NAV3: variants seen among roughly 807,000 people sequenced by gnomAD.
NAV3 encodes the protein pore membrane and/or filament interacting like protein 1.
NAV3 carries 87 observed loss-of-function variants against 244.7 expected under a neutral mutation model. That is an observed-to-expected ratio of 0.36 (90% CI 0.30 to 0.42). The LOEUF (loss-of-function observed/expected upper bound fraction) is 0.42. Ranked by LOEUF, NAV3 falls within the 20% of genes least tolerant of loss-of-function variation. The pLI is 1.00. For synonymous variants in NAV3, 1,126 were observed against 1,042.2 expected (o/e 1.08, Z -1.55); for missense variants, 2,663 against 2,893.3 (o/e 0.92, Z 1.83).
chr12:77,984,399 G>C (rs1870100403), intron 5 of NAV3, among the ~76,000 whole-genome samples: 1 of 152,158 alleles, frequency 6.6e-6, no homozygotes, highest in South Asian at 2.1e-4. Flanking sequence ...CCAAGTGCAG[G>C]TGTGCAGGGT....
chr12:78,177,681 T>A lies in NAV3; in HGVS notation c.5359T>A (p.Ser1787Thr). ...QNGPVIYKHR[S>T]RICECTEAEA... is the part of the protein sequence containing the mutation. ...TGGCCCTGTGATCTACAAGCATAGA[T>A]CTCGGTAAAGTGGAGTGCGATGCAT... Residue 1787 changes from serine to threonine, a missense_variant, in exon 28 of 40, where the codon TCT (serine) becomes ACT (threonine). Around this residue, in one of 6 missense-constraint regions of NAV3, gnomAD observed 193 missense variants for 200.7 expected, o/e 0.96. Transcript: ENST00000397909. 9 of 1,597,220 alleles carry A rather than the reference T, an allele frequency of 5.6e-6. No homozygotes were observed. The highest frequency in any genetic ancestry group is 7.6e-6 in the Non-Finnish European group (9 of 1,179,150).
At chr12:78,188,808 A>G (rs1465591036) in intron 33 of NAV3, 31 bp downstream of exon 33, 2 of 1,599,758 alleles carry the variant, frequency 1.3e-6, no homozygotes, top group East Asian at 4.5e-5. Context: ...CAAGGCAGAA[A>G]TATAATTTTT....
At chr12:77,688,286 G>C (rs1874849848) in intron 2 of NAV3, among the ~76,000 whole-genome samples, 1 of 151,992 alleles carries the variant, frequency 6.6e-6, no homozygotes, top group African/African-American at 2.4e-5. Flanking sequence ...AGGGGACACA[G>C]ACACTTCAAA....
rs79181768 is a variant in NAV3 at position 77,587,117 on chromosome 12, G to A, written c.72+14851G>A. On this transcript the variant is annotated intron_variant, in intron 2 of 8. Transcript: ENST00000550042. ...AGCAATGAATGAGATAATCAGTTTT[G>A]CATCATCTATGTAAAAAATTGTATT... 1.9e-3 allele frequency among the ~76,000 whole-genome samples: 286 copies of A among 152,132 alleles called. 1 individual carries two copies. Among genetic ancestry groups the A allele is most frequent in the African/African-American group, 6.6e-3 (274 of 41,492 alleles).
At chr12:77,856,674 G>A (rs1236393834) in intron 1 of NAV3, among the ~76,000 whole-genome samples, 1 of 151,968 alleles carries the variant, frequency 6.6e-6, no homozygotes, top group African/African-American at 2.4e-5. Context: ...TTTTACAATG[G>A]TTGTGAATGC....
At chr12:77,626,740 T>C (rs75590662) in intron 2 of NAV3, among the ~76,000 whole-genome samples, 2,713 of 152,206 alleles carry the variant, frequency 0.018, 80 homozygotes, top group African/African-American at 0.059. Context: ...ATAAATAAAG[T>C]CTTCCCCAGA....
intron 2 of NAV3, among the ~76,000 whole-genome samples, chr12:77,760,631 A>G (rs1162945430): frequency 2.0e-5 from 3 of 152,232 alleles, no homozygotes; most frequent in Non-Finnish European, 4.4e-5. Context: ...AATTCTTGGT[A>G]TAAATTAAAG....
At chr12:77,903,002 A>T (rs925637157) in intron 1 of NAV3, among the ~76,000 whole-genome samples, 4 of 152,248 alleles carry the variant, frequency 2.6e-5, no homozygotes, top group African/African-American at 9.6e-5. Flanking sequence ...GAGGATACAA[A>T]CAAATGGAAG....
chr12:77,623,012 G>T (rs1871449956), intron 2 of NAV3, among the ~76,000 whole-genome samples: 1 of 152,130 alleles, frequency 6.6e-6, no homozygotes, highest in African/African-American at 2.4e-5. Context: ...GTTAGACAGT[G>T]TCACATTAGA....
intron 2 of NAV3, among the ~76,000 whole-genome samples, chr12:77,785,217 C>T (rs893334361): frequency 1.3e-5 from 2 of 152,070 alleles, no homozygotes; most frequent in African/African-American, 4.8e-5. Context: ...AAATATTAAG[C>T]ATGATATCAC....
intron 2 of NAV3, among the ~76,000 whole-genome samples, chr12:77,579,803 A>G (rs1291791248): frequency 6.6e-6 from 1 of 152,224 alleles, no homozygotes; most frequent in East Asian, 1.9e-4. Context: ...AAAGAGTTAA[A>G]AGCACAGAAT....
intron 2 of NAV3, among the ~76,000 whole-genome samples, chr12:77,738,745 T>C (rs1245503142): frequency 6.6e-6 from 1 of 152,202 alleles, no homozygotes; most frequent in Non-Finnish European, 1.5e-5. Context: ...GGCGCGTGGC[T>C]CACGCCTGTA....
chr12:77,933,111 A>C (rs140182067), intron 1 of NAV3, among the ~76,000 whole-genome samples: 1 of 152,210 alleles, frequency 6.6e-6, no homozygotes, highest in African/African-American at 2.4e-5. Flanking sequence ...AATTGACTTC[A>C]TAAGGGACAT....
chr12:77,786,236 A>G (rs1870900116), intron 2 of NAV3, among the ~76,000 whole-genome samples: 2 of 152,334 alleles, frequency 1.3e-5, no homozygotes, highest in Non-Finnish European at 2.9e-5. Context: ...GAAGTATGGC[A>G]GAGAATAAGA....
chr12:77,940,637 AT>A (rs1889778380), intron 2 of NAV3, among the ~76,000 whole-genome samples: 2 of 152,234 alleles, frequency 1.3e-5, no homozygotes. Flanking sequence ...CTAGAACTGT[AT>A]CTTTATATAC....
At position 78,177,193 on chromosome 12, in the gene NAV3, C is replaced by A. The variant is rs1958267313; in HGVS notation, c.5177C>A (p.Pro1726His). 6.2e-7 allele frequency: 1 copy of A among 1,613,394 alleles called. No individual in the cohort carries two copies. The highest frequency in any genetic ancestry group is 1.7e-5 in the Admixed American group (1 of 59,960). The change falls in exon 27 of 40, where the codon CCT becomes CAT. Residue 1726 changes from proline to histidine, a missense_variant. By Grantham distance (77) the Pro-to-His change is moderately conservative (BLOSUM62 -2). Around this residue, in one of 6 missense-constraint regions of NAV3, gnomAD observed 193 missense variants for 200.7 expected, o/e 0.96. Coordinates refer to ENST00000397909, the MANE Select transcript of NAV3 (RefSeq NM_001024383.2). The stretch of plus-strand genomic sequence containing the variant: ...GGGAAGAAAAAGTCCACCAAGCCTC[C>A]TTCATCACATTCTGACATTGAAGAG... ...AFGKKKSTKP[P>H]SSHSDIEELT...
intron 9 of NAV3, among the ~76,000 whole-genome samples, chr12:78,044,471 G>C (rs1372166594): frequency 6.6e-6 from 1 of 152,124 alleles, no homozygotes; most frequent in African/African-American, 2.4e-5. Context: ...TATGAATAAA[G>C]TCAATGGTAG....
chr12:77,871,696 A>G (rs945586302), intron 1 of NAV3, among the ~76,000 whole-genome samples: 7 of 152,158 alleles, frequency 4.6e-5, no homozygotes, highest in Non-Finnish European at 1.0e-4. Flanking sequence ...ATTGATGGGC[A>G]TTTGGGTTGG....
At chr12:77,985,319 T>C (rs1870303915) in intron 5 of NAV3, among the ~76,000 whole-genome samples, 1 of 152,220 alleles carries the variant, frequency 6.6e-6, no homozygotes, top group South Asian at 2.1e-4. Context: ...TCTTCATGTT[T>C]GTCAGAATAA....
Sources: allele counts gnomAD v4.1 joint callset (sites outside exome capture counted in the v4.1 genomes callset), GRCh38; gene constraint gnomAD v4.1.1; regional missense constraint gnomAD v4.1.1; transcripts MANE v1.5; gene names NCBI Gene and HGNC (gene_info 2026-07-23, HGNC 2026-07-21).